DOCK9: variants seen among roughly 807,000 people sequenced by gnomAD.
DOCK9 encodes dedicator of cytokinesis protein 9.
DOCK9 carries 89 observed loss-of-function variants against 263.3 expected under a neutral mutation model. The observed-to-expected ratio is 0.34, with a 90% CI of 0.28 to 0.40. The LOEUF (loss-of-function observed/expected upper bound fraction) is 0.40. Among genes scored for constraint, DOCK9 ranks in the 10% least tolerant of loss-of-function variants. The probability of loss-of-function intolerance (pLI) is 1.00; values close to 1 mark genes in which losing one functional copy is unlikely to be tolerated. For missense variants in DOCK9, 2,140 were observed against 2,603.4 expected (o/e 0.82, Z 3.87); for synonymous variants, 976 against 973.1 (o/e 1.00, Z -0.06).
At chr13:98,978,191 G>T, upstream of DOCK9, 1 of 1,003,374 alleles carries the variant, frequency 1.0e-6, no homozygotes, top group Non-Finnish European at 1.3e-6. Context: ...ACAGTGTACT[G>T]CCTCTCTGAT....
intron 50 of DOCK9, among the ~76,000 whole-genome samples, chr13:98,797,852 A>G (rs561488276): frequency 3.9e-5 from 6 of 152,330 alleles, no homozygotes; most frequent in African/African-American, 1.2e-4. Context: ...GTGTTTAGTC[A>G]CTGGGATTTG....
Position 98,914,312 on chromosome 13 carries a change from T to C in DOCK9, c.960+16A>G. On this transcript the variant is annotated intron_variant, in intron 9 of 52. Transcript: ENST00000682017. The stretch of plus-strand genomic sequence containing the variant: ...ACAGCATTCAACGAAGAGCAGAAGA[T>C]ATAAGACGATGTTACCTTGGCAAGT... 2 of 1,602,674 alleles carry C rather than the reference T, an allele frequency of 1.2e-6. No individual in the cohort carries two copies. The highest frequency in any genetic ancestry group is 8.5e-7 in the Non-Finnish European group (1 of 1,173,854).
intron 2 of DOCK9, among the ~76,000 whole-genome samples, chr13:98,950,939 A>G (rs1595581182): frequency 1.3e-5 from 2 of 152,154 alleles, no homozygotes; most frequent in East Asian, 3.8e-4. Flanking sequence ...TGCCACCCAA[A>G]TCCCATGTCT....
chr13:98,956,131 A>AG (rs1306933462), intron 1 of DOCK9, among the ~76,000 whole-genome samples: 1 of 152,202 alleles, frequency 6.6e-6, no homozygotes, highest in East Asian at 1.9e-4. Context: ...GGTCACAGCC[A>AG]GGGGGGCAGG....
In DOCK9 at chr13:98,915,320, CCTAT is replaced by C. The variant is rs1336873068; in HGVS notation, c.892+5_892+8del. ...GTGTATGTGCCTGGGGGAAGCCAAG[CCTAT>C]CTACCTTCGTGAGAGTCGCCATTTC... On this transcript the variant is annotated splice_donor_5th_base_variant and intron_variant, in intron 8 of 52. Coordinates refer to ENST00000682017, the MANE Select transcript of DOCK9 (RefSeq NM_001366683.2). 1.2e-6 allele frequency: 2 copies of C among 1,612,048 alleles called. No individual in the cohort carries two copies. The highest frequency in any genetic ancestry group is 3.3e-5 in the Admixed American group (2 of 59,880).
intron 1 of DOCK9, among the ~76,000 whole-genome samples, chr13:99,031,620 G>A (rs1198576491): frequency 6.6e-6 from 1 of 152,172 alleles, no homozygotes; most frequent in Non-Finnish European, 1.5e-5. Context: ...TCAACTGAAA[G>A]GGGCAGTATA....
intron 32 of DOCK9, among the ~76,000 whole-genome samples, chr13:98,861,177 G>C (rs1427847553): frequency 6.6e-6 from 1 of 152,164 alleles, no homozygotes; most frequent in Non-Finnish European, 1.5e-5. Context: ...AGATAAGCGA[G>C]GTGCACTTAG....
At chr13:99,000,837 C>T (rs143416548) in intron 1 of DOCK9, among the ~76,000 whole-genome samples, 62 of 152,256 alleles carry the variant, frequency 4.1e-4, no homozygotes, top group Non-Finnish European at 6.3e-4. Flanking sequence ...CAGATAAGAA[C>T]GTAACATCTA....
chr13:98,832,761 A>T (rs1192312852), intron 39 of DOCK9, among the ~76,000 whole-genome samples: 1 of 152,232 alleles, frequency 6.6e-6, no homozygotes, highest in Non-Finnish European at 1.5e-5. Context: ...TTGGGGAACG[A>T]TAGGTGTGTG....
chr13:99,046,451 G>A (rs2040437680), intron 1 of DOCK9, among the ~76,000 whole-genome samples: 1 of 152,230 alleles, frequency 6.6e-6, no homozygotes, highest in Non-Finnish European at 1.5e-5. Context: ...AAGGAGGAAG[G>A]ATTTTGCGCC....
chr13:99,016,820 T>G (rs1214285954), intron 1 of DOCK9, among the ~76,000 whole-genome samples: 1 of 152,228 alleles, frequency 6.6e-6, no homozygotes, highest in Non-Finnish European at 1.5e-5. Context: ...CTGATATTAT[T>G]CCTTATTTCA....
At chr13:98,956,188 G>A (rs556366429) in intron 1 of DOCK9, among the ~76,000 whole-genome samples, 4 of 152,306 alleles carry the variant, frequency 2.6e-5, no homozygotes, top group South Asian at 2.1e-4. Flanking sequence ...GGATGGGGAC[G>A]TCCATCCCTA....
At chr13:98,820,395 G>A (rs1435043356) in intron 45 of DOCK9, among the ~76,000 whole-genome samples, 2 of 152,218 alleles carry the variant, frequency 1.3e-5, no homozygotes, top group East Asian at 3.9e-4. Context: ...AAGGGGGCCT[G>A]TTCATGGTGT....
intron 2 of DOCK9, among the ~76,000 whole-genome samples, chr13:98,936,020 T>C (rs1323964749): frequency 6.6e-6 from 1 of 152,184 alleles, no homozygotes; most frequent in Non-Finnish European, 1.5e-5. Flanking sequence ...CTGATCTGCT[T>C]GTGAATTCTA....
chr13:99,025,327 T>C (rs938221679), intron 1 of DOCK9: 2 of 152,054 alleles, frequency 1.3e-5, no homozygotes, highest in African/African-American at 2.4e-5. Flanking sequence ...CACAAATTCA[T>C]GAAGCATTCC....
At chr13:99,079,623 T>G (rs895010037) in intron 1 of DOCK9, among the ~76,000 whole-genome samples, 11 of 152,232 alleles carry the variant, frequency 7.2e-5, no homozygotes, top group African/African-American at 1.9e-4. Flanking sequence ...AATACTCAGA[T>G]GAGCAAACTG....
At chr13:98,975,104 A>G (rs2060107563) in intron 1 of DOCK9, among the ~76,000 whole-genome samples, 1 of 152,236 alleles carries the variant, frequency 6.6e-6, no homozygotes, top group Non-Finnish European at 1.5e-5. Context: ...GGCATAGGCC[A>G]GGTGCAGTGG....
intron 15 of DOCK9, among the ~76,000 whole-genome samples, chr13:98,893,981 G>A (rs1288391126): frequency 6.6e-6 from 1 of 152,140 alleles, no homozygotes; most frequent in Non-Finnish European, 1.5e-5. Context: ...ATGCCCTCCT[G>A]CTGAGCACAT....
chr13:98,797,421 G>A lies in DOCK9; in HGVS notation c.5985C>T (p.Asp1995=), dbSNP rs952125586. The change falls in exon 51 of 53, where the codon GAC becomes GAT. Residue 1995 remains aspartate, a synonymous_variant. Coordinates refer to ENST00000682017, the MANE Select transcript of DOCK9 (RefSeq NM_001366683.2). Reference sequence around the variant, plus strand: ...CTTCCTTAAGCAGCTTCACTTTATTGTCAGGATATCGCTTTGTGTTTGTAT... The same window carrying A: ...CTTCCTTAAGCAGCTTCACTTTATTATCAGGATATCGCTTTGTGTTTGTAT... ...LDDTNTKRYP[D]NKVKLLKEVF... is the part of the protein sequence containing the mutation. The A allele has an allele frequency of 1.2e-6, 2 of 1,613,680 alleles. No homozygotes were observed. The highest frequency in any genetic ancestry group is 1.7e-6 in the Non-Finnish European group (2 of 1,179,764).
Sources: gnomAD v4.1 joint callset for allele counts (sites outside exome capture counted in the v4.1 genomes callset) on GRCh38, gnomAD v4.1.1 for gene constraint, MANE v1.5 for transcripts, NCBI Gene and HGNC (gene_info 2026-07-23, HGNC 2026-07-21) for gene names.